Variants in SCCPDH observed in about 807,000 individuals in gnomAD.
SCCPDH encodes the protein saccharopine dehydrogenase-like oxidoreductase.
Under a neutral mutation model 51.5 loss-of-function variants are expected in SCCPDH, and 34 were observed. That is an observed-to-expected ratio of 0.66 (90% CI 0.50 to 0.88). The LOEUF (loss-of-function observed/expected upper bound fraction) is 0.88, where lower values mean the gene tolerates loss of function less well. Among genes scored for constraint, SCCPDH ranks in the 40% least tolerant of loss-of-function variants. The pLI is 0.00. For synonymous variants in SCCPDH, 187 were observed against 191.3 expected (o/e 0.98, Z 0.19); for missense variants, 464 against 527.1 (o/e 0.88, Z 1.17).
At chr1:246,759,626 G>A (rs540711587) in intron 7 of SCCPDH, among the ~76,000 whole-genome samples, 29 of 152,110 alleles carry the variant, frequency 1.9e-4, no homozygotes, top group Admixed American at 8.5e-4. Context: ...AGGAGTCTAC[G>A]TTCTGTAATG....
intron 4 of SCCPDH, 131 bp downstream of exon 4, chr1:246,740,432 GTTT>G: frequency 1.5e-6 from 1 of 687,806 alleles, no homozygotes. Context: ...TTAAACACAT[GTTT>G]TGTTTTTAAT....
chr1:246,758,970 A>G (rs1231435268), intron 6 of SCCPDH, 64 bp from the exon 7 acceptor site: 4 of 946,080 alleles, frequency 4.2e-6, no homozygotes, highest in South Asian at 1.3e-5. Flanking sequence ...TTGCTTATTC[A>G]GACATTTACC....
rs557968933 is a variant in SCCPDH at position 246,767,654 on chromosome 1, G to A, written c.*354G>A. ...GGGTGCGCACACCATCGTTACTGTCGGGCAGTAACTGCCGCTTGCCTTGCC... is the reference window on the plus strand; with the variant it reads ...GGGTGCGCACACCATCGTTACTGTCAGGCAGTAACTGCCGCTTGCCTTGCC... On this transcript the variant is annotated 3_prime_UTR_variant, in exon 12 of 12. Transcript: ENST00000366510. 335 of 156,792 alleles carry A rather than the reference G, an allele frequency of 2.1e-3. 1 individual carries two copies. The highest frequency in any genetic ancestry group is 4.3e-3 in the South Asian group (21 of 4,894). The allele number at this position is 156,792 out of a possible 1,614,324, so 9.7% of individuals were successfully genotyped here.
rs780389035 is a variant in SCCPDH, at chr1:246,767,350, T to C, written c.*50T>C. ...ATAACGTGCGTGAATTAACAGCTTC[T>C]CTATTTGATATTTGAAATTCTTCTG... On this transcript the variant is annotated 3_prime_UTR_variant, in exon 12 of 12. Transcript: ENST00000366510. 2.8e-6 allele frequency: 3 copies of C among 1,073,042 alleles called. No individual in the cohort carries two copies. The African/African-American group carries it at 4.9e-5, about 17-fold the overall frequency. 66.5% of individuals were successfully genotyped at this position (1,073,042 alleles called of 1,614,324 possible).
In SCCPDH at chr1:246,744,055, AC is replaced by A; in HGVS notation, c.515-19del. On this transcript the variant is annotated intron_variant, in intron 4 of 11. Transcript: ENST00000366510. The stretch of plus-strand genomic sequence containing the variant: ...TAGATGTTATTTTATTTTGCTTTTT[AC>A]CATTCTCCTACTCTTTTAGGTACTT... 1 of 1,498,414 alleles carries A rather than the reference AC, an allele frequency of 6.7e-7. No homozygotes were observed. Among genetic ancestry groups the A allele is most frequent in the Non-Finnish European group, 9.2e-7 (1 of 1,084,326 alleles). 92.8% of individuals were successfully genotyped at this position (1,498,414 alleles called of 1,614,324 possible).
intron 5 of SCCPDH, among the ~76,000 whole-genome samples, chr1:246,753,155 C>CT (rs1450366161): frequency 6.6e-6 from 1 of 151,896 alleles, no homozygotes; most frequent in Non-Finnish European, 1.5e-5. Flanking sequence ...TGGCTTTACT[C>CT]TTTCATCCTC....
At chr1:246,732,090 C>T (rs1411121596) in intron 2 of SCCPDH, among the ~76,000 whole-genome samples, 2 of 152,120 alleles carry the variant, frequency 1.3e-5, no homozygotes, top group South Asian at 2.1e-4. Flanking sequence ...ATATGTGCCA[C>T]GTTTTCTTAA....
intron 9 of SCCPDH, among the ~76,000 whole-genome samples, chr1:246,762,916 C>T (rs775245327): frequency 6.6e-6 from 1 of 150,756 alleles, no homozygotes; most frequent in Non-Finnish European, 1.5e-5. Flanking sequence ...TGCTTCTGGA[C>T]GTTCTGATTC....
rs531092306 is a variant in SCCPDH, at chr1:246,759,971, G to A, written c.828G>A (p.Ala276=). ...NLEESPVQYA[A]YVTVGGITSV... ...CCATCATCTAGGTTCAGTATGCTGC[G>A]TATGTAACTGTGGGAGGCATCACCT... The change falls in exon 8 of 12, where the codon GCG becomes GCA. Residue 276 remains alanine (A), a synonymous_variant. Transcript: ENST00000366510. The A allele has an allele frequency of 8.7e-5, 141 of 1,612,992 alleles. No homozygotes were observed. Among genetic ancestry groups the A allele is most frequent in the Middle Eastern group, 1.7e-4 (1 of 6,056 alleles).
intron 5 of SCCPDH, among the ~76,000 whole-genome samples, chr1:246,753,873 A>T (rs917475570): frequency 6.6e-6 from 1 of 151,426 alleles, no homozygotes; most frequent in African/African-American, 2.4e-5. Flanking sequence ...AAGGAGGGGG[A>T]CAATGGGGAT....
At chr1:246,730,620 A>G (rs1466198353) in intron 2 of SCCPDH, among the ~76,000 whole-genome samples, 2 of 152,236 alleles carry the variant, frequency 1.3e-5, no homozygotes, top group Admixed American at 1.3e-4. Flanking sequence ...TCTCGTAGTC[A>G]GTCCATATAG....
intron 5 of SCCPDH, among the ~76,000 whole-genome samples, chr1:246,757,249 C>T (rs774957841): frequency 2.9e-4 from 42 of 145,626 alleles, no homozygotes; most frequent in Non-Finnish European, 5.9e-4. Flanking sequence ...GAGGTTGAGA[C>T]AGGAGAATTG....
At chr1:246,763,379 G>A (rs1669046609) in intron 9 of SCCPDH, among the ~76,000 whole-genome samples, 1 of 152,188 alleles carries the variant, frequency 6.6e-6, no homozygotes. Context: ...TGTGGCATGT[G>A]TGTCTGACCT....
chr1:246,730,582 A>C (rs1044610224), intron 2 of SCCPDH, among the ~76,000 whole-genome samples: 1 of 152,234 alleles, frequency 6.6e-6, no homozygotes, highest in Admixed American at 6.5e-5. Context: ...TCTTCAACAC[A>C]TGACCACTTA....
chr1:246,737,551 G>T (rs1277306738), intron 3 of SCCPDH, among the ~76,000 whole-genome samples: 2 of 151,952 alleles, frequency 1.3e-5, no homozygotes, highest in Non-Finnish European at 2.9e-5. Flanking sequence ...ATGGTGAAAA[G>T]CTTTTAAGTC....
At position 246,724,602 on chromosome 1, in the gene SCCPDH, C is replaced by T. The variant is rs371025465; in HGVS notation, c.180C>T (p.Ala60=). ...TGCAGCGGGTGCTGGAGAAGGCGGC[C>T]CTGAAGCTGGGTACAGCGGCGGGGC... is the stretch of plus-strand genomic sequence containing the variant. ...EKLQRVLEKA[A]LKLGRPTLSS... is the part of the protein sequence containing the mutation. Residue 60 remains alanine (A), a synonymous_variant, in exon 1 of 12, where the codon GCC becomes GCT. Coordinates refer to ENST00000366510, the MANE Select transcript of SCCPDH (RefSeq NM_016002.3). 7.2e-5 allele frequency: 108 copies of T among 1,500,714 alleles called. No individual in the cohort carries two copies. In the African/African-American group the frequency reaches 1.5e-3, roughly 21 times the overall value. 93.0% of individuals were successfully genotyped at this position (1,500,714 alleles called of 1,614,324 possible).
chr1:246,744,038 A>AT, intron 4 of SCCPDH, 38 bp from the exon 5 acceptor site: 2 of 1,281,996 alleles, frequency 1.6e-6, no homozygotes, highest in South Asian at 1.3e-5. Context: ...TTTAGATGTT[A>AT]TTTTATTTTG....
chr1:246,741,046 TGC>T (rs1351901845), intron 4 of SCCPDH, among the ~76,000 whole-genome samples: 1 of 152,108 alleles, frequency 6.6e-6, no homozygotes, highest in African/African-American at 2.4e-5. Flanking sequence ...ATTGCACCAC[TGC>T]ACTCTAGCCT....
At chr1:246,735,556 G>A (rs1316465095) in intron 2 of SCCPDH, among the ~76,000 whole-genome samples, 2 of 152,166 alleles carry the variant, frequency 1.3e-5, no homozygotes, top group East Asian at 3.8e-4. Context: ...TTCTGAGACG[G>A]AGTCTCACTC....
Sources: gnomAD v4.1 joint callset for allele counts (sites outside exome capture counted in the v4.1 genomes callset) on GRCh38, gnomAD v4.1.1 for gene constraint, MANE v1.5 for transcripts, NCBI Gene and HGNC (gene_info 2026-07-23, HGNC 2026-07-21) for gene names.